Variants in LAMA5 observed in about 807,000 individuals in gnomAD.
LAMA5 encodes the protein laminin subunit alpha-5.
Under a neutral mutation model 433.4 loss-of-function variants are expected in LAMA5, and 260 were observed. The ratio of observed to expected loss-of-function variants is 0.60; its 90% confidence interval spans 0.54 to 0.66. The LOEUF (loss-of-function observed/expected upper bound fraction) is 0.66, where lower values mean the gene tolerates loss of function less well. Among genes scored for constraint, LAMA5 ranks in the 30% least tolerant of loss-of-function variants. LAMA5 has a pLI of 0.00. For missense variants in LAMA5, 5,378 were observed against 5,258.5 expected, an observed-to-expected ratio of 1.02 and a Z score of -0.70; for synonymous variants, 2,620 against 2,226.6, an observed-to-expected ratio of 1.18 and a Z score of -4.97.
intron 18 of LAMA5, among the ~76,000 whole-genome samples, chr20:62,336,077 C>A (rs1464548226): frequency 6.7e-6 from 1 of 149,258 alleles, no homozygotes; most frequent in Non-Finnish European, 1.5e-5. Flanking sequence ...GGCTCTAGCC[C>A]CCCAAGGAAC....
Position 62,309,808 on chromosome 20 carries a change from A to AGCC in LAMA5, c.10853_10855dup (p.Arg3618dup). On this transcript the variant is annotated inframe_insertion, in exon 79 of 80. Coordinates refer to ENST00000252999, the MANE Select transcript of LAMA5 (RefSeq NM_005560.6). ...GTGGTTGCTCTGCGCGTCCACCTCC[A>AGCC]GCCGGAGCACATTCCCGCTTTTCAT... The AGCC allele has an allele frequency of 6.2e-7, 1 of 1,611,466 alleles. No individual in the cohort carries two copies. Among genetic ancestry groups the AGCC allele is most frequent in the Non-Finnish European group, 8.5e-7 (1 of 1,179,514 alleles).
Position 62,327,937 on chromosome 20 carries a change from G to C in LAMA5, c.4726C>G (p.Pro1576Ala). Reference protein sequence around the residue: ...PGFHGYPRCRPCDCHEAGTAP... With the variant: ...PGFHGYPRCRACDCHEAGTAP... ...GTGCCCGCCTCGTGACAGTCACAGG[G>C]GCGGCAGCGGGGGTAGCCATGGAAG... Residue 1576 changes from proline to alanine, a missense_variant, in exon 36 of 80, where the codon CCC (proline) becomes GCC (alanine). Transcript: ENST00000252999. 1 of 1,612,512 alleles carries C rather than the reference G, an allele frequency of 6.2e-7. No homozygotes were observed. The highest frequency in any genetic ancestry group is 8.5e-7 in the Non-Finnish European group (1 of 1,179,902).
Position 62,326,054 on chromosome 20 carries a change from C to A in LAMA5, c.5299-508G>T, listed in dbSNP as rs1289185523. Among the ~76,000 whole-genome samples, 3 of 151,994 alleles carry A rather than the reference C, an allele frequency of 2.0e-5. No homozygotes were observed. The East Asian group carries it at 5.8e-4, about 29-fold the overall frequency. On this transcript the variant is annotated intron_variant, in intron 40 of 79. Coordinates refer to ENST00000252999, the MANE Select transcript of LAMA5 (RefSeq NM_005560.6). ...TGGCCAACACGGCGAAACCCCATCTCTACTGAAAATACACAATTATCAGGG... is the reference window on the plus strand; with the variant it reads ...TGGCCAACACGGCGAAACCCCATCTATACTGAAAATACACAATTATCAGGG...
rs147290767 is a variant in LAMA5 at position 62,318,641 on chromosome 20, C to T, written c.7052G>A (p.Arg2351Gln). ...ELAAAQRLLA[R>Q]VQEQLSSLWE... ...GAGGCTGCTCAGCTGCTCCTGCACC[C>T]GGGCCAGCACTAGCCGAGACCAGGG... is the stretch of plus-strand genomic sequence containing the variant. Residue 2351 changes from arginine to glutamine, a missense_variant, in exon 53 of 80, where the codon CGG (arginine) becomes CAG (glutamine). Physicochemically the swap from Arg to Gln is conservative, Grantham distance 43. Transcript: ENST00000252999. The T allele has an allele frequency of 5.2e-3, 8,427 of 1,610,000 alleles. 100 individuals are homozygous for T. The highest frequency in any genetic ancestry group is 0.031 in the South Asian group (2,824 of 91,026).
At position 62,333,424 on chromosome 20, in the gene LAMA5, C is replaced by T; in HGVS notation, c.3079G>A (p.Val1027Met). 1 of 1,612,802 alleles carries T rather than the reference C, an allele frequency of 6.2e-7. No homozygotes were observed. Residue 1027 changes from valine (V) to methionine (M), a missense_variant, in exon 25 of 80, where the codon GTG (valine) becomes ATG (methionine). Physicochemically the swap from Val to Met is conservative, Grantham distance 21 (BLOSUM62 1). Coordinates refer to ENST00000252999, the MANE Select transcript of LAMA5 (RefSeq NM_005560.6). ...GGACGGTATGTGCAGGCCTCAGTCACCCGCAGCTGCAGGAGCGCCGCCTCG... is the reference window on the plus strand; with the variant it reads ...GGACGGTATGTGCAGGCCTCAGTCATCCGCAGCTGCAGGAGCGCCGCCTCG... ...YYEAALLQLR[V>M]TEACTYRPSA...
intron 6 of LAMA5, among the ~76,000 whole-genome samples, chr20:62,350,766 C>A (rs1984168011): frequency 6.6e-6 from 1 of 152,176 alleles, no homozygotes; most frequent in African/African-American, 2.4e-5. Context: ...CTCCGGGCAC[C>A]ACGCTGAGTA....
chr20:62,350,645 G>T (rs889997490), intron 6 of LAMA5, among the ~76,000 whole-genome samples: 2 of 152,168 alleles, frequency 1.3e-5, no homozygotes, highest in Non-Finnish European at 2.9e-5. Flanking sequence ...AGCCCTGCCA[G>T]CTCCCTGCTG....
chr20:62,362,332 GC>G, intron 2 of LAMA5, 67 bp downstream of exon 2: 1 of 1,361,014 alleles, frequency 7.3e-7, no homozygotes. Context: ...TGGTCCTGTG[GC>G]CCAAGGTAGG....
chr20:62,338,165 G>A lies in LAMA5; in HGVS notation c.1757-15C>T, dbSNP rs531108608. 5.6e-5 allele frequency: 88 copies of A among 1,571,110 alleles called. No individual in the cohort carries two copies. Among genetic ancestry groups the A allele is most frequent in the South Asian group, 2.0e-4 (17 of 85,174 alleles). ...GCAGCCACACACTGCAGAGCGGAGC[G>A]GGTGTCACGGTAGGCCAGGCCCACG... On this transcript the variant is annotated splice_polypyrimidine_tract_variant and intron_variant, in intron 13 of 79. Transcript: ENST00000252999.
At chr20:62,328,727 A>G in intron 34 of LAMA5, 117 bp downstream of exon 34, 3 of 1,067,306 alleles carry the variant, frequency 2.8e-6, no homozygotes, top group Non-Finnish European at 4.1e-6. Context: ...TGGGGCAGCA[A>G]TGCTGCCCTG....
At chr20:62,319,903 C>T in intron 50 of LAMA5, 108 bp from the exon 51 acceptor site, 3 of 704,734 alleles carry the variant, frequency 4.3e-6, no homozygotes, top group Non-Finnish European at 4.7e-6. Context: ...GAAGAGGGGC[C>T]CCTTATCTAT....
chr20:62,325,529 C>A lies in LAMA5; in HGVS notation c.5316G>T (p.Thr1772=). Reference sequence around the variant, plus strand: ...CGCGGGACACAGTGTTGCGCGTCTCCGTATGCCGGAAGTTCCCCTGTGGGT... The same window carrying A: ...CGCGGGACACAGTGTTGCGCGTCTCAGTATGCCGGAAGTTCCCCTGTGGGT... The part of the protein sequence containing the change: ...LQLVEGNFRH[T]ETRNTVSREE... Residue 1772 remains threonine (T), a synonymous_variant, in exon 41 of 80, where the codon ACG becomes ACT. Transcript: ENST00000252999. 6.2e-7 allele frequency: 1 copy of A among 1,608,280 alleles called. No individual in the cohort carries two copies.
intron 28 of LAMA5, among the ~76,000 whole-genome samples, chr20:62,331,510 C>T (rs538215315): frequency 6.6e-6 from 1 of 152,254 alleles, no homozygotes; most frequent in East Asian, 1.9e-4. Flanking sequence ...AGCCCTCTTC[C>T]TCCCCCTCGC....
intron 11 of LAMA5, among the ~76,000 whole-genome samples, chr20:62,344,673 T>C (rs1983083705): frequency 6.6e-6 from 1 of 151,926 alleles, no homozygotes; most frequent in Non-Finnish European, 1.5e-5. Flanking sequence ...GGTGTCTAAC[T>C]CCTGACCTCA....
rs1290224102 is a variant in LAMA5, at chr20:62,322,346, C to A, written c.6269G>T (p.Cys2090Phe). 2 of 1,595,948 alleles carry A rather than the reference C, an allele frequency of 1.3e-6. No individual in the cohort carries two copies. Among genetic ancestry groups the A allele is most frequent in the South Asian group, 2.3e-5 (2 of 88,786 alleles). Residue 2090 changes from cysteine (C) to phenylalanine (F), a missense_variant, in exon 47 of 80, where the codon TGC becomes TTC. Transcript: ENST00000252999. ...ECHPQSGQCHCRPGTMGPQCR... is the reference protein window; with the variant it reads ...ECHPQSGQCHFRPGTMGPQCR... ...CTGGGGTCCCATGGTCCCTGGTCGG[C>A]AGTGGCACTGTCCGCTCTGGGGGTG...
chr20:62,345,537 G>C (rs1281949619), intron 11 of LAMA5: 5 of 567,458 alleles, frequency 8.8e-6, no homozygotes, highest in Non-Finnish European at 1.6e-5. Context: ...CTCCGGAGTA[G>C]CTCGAACTAC....
chr20:62,315,321 T>G (rs898222845), intron 58 of LAMA5, 114 bp from the exon 59 acceptor site: 2 of 842,614 alleles, frequency 2.4e-6, no homozygotes, highest in Admixed American at 2.8e-5. Context: ...CTATGGATCG[T>G]GTGAGACCCT....
Position 62,332,642 on chromosome 20 carries a change from C to G in LAMA5, c.3358G>C (p.Ala1120Pro). 1 of 1,607,826 alleles carries G rather than the reference C, an allele frequency of 6.2e-7. No individual in the cohort carries two copies. The highest frequency in any genetic ancestry group is 8.5e-7 in the Non-Finnish European group (1 of 1,177,798). Residue 1120 changes from alanine (A) to proline (P), a missense_variant, in exon 27 of 80, where the codon GCC becomes CCC. Coordinates refer to ENST00000252999, the MANE Select transcript of LAMA5 (RefSeq NM_005560.6). ...ALVVEYANED[A>P]RQEVGVAVHT... ...ACGGCCACGCCCACCTCCTGGCGGG[C>G]ATCCTCATTGGCGTACTCCACCACT... is the stretch of plus-strand genomic sequence containing the variant.
At chr20:62,333,025 G>A (rs745438237) in intron 26 of LAMA5, 65 bp downstream of exon 26, 2 of 1,409,868 alleles carry the variant, frequency 1.4e-6, no homozygotes, top group Non-Finnish European at 1.9e-6. Context: ...ACCGCCACAG[G>A]ACCCCCAGCC....
Sources: gnomAD v4.1 joint callset for allele counts (sites outside exome capture counted in the v4.1 genomes callset) on GRCh38, gnomAD v4.1.1 for gene constraint, MANE v1.5 for transcripts, NCBI Gene and HGNC (gene_info 2026-07-23, HGNC 2026-07-21) for gene names.